The following DNAH5 variants were observed in gnomAD, a reference collection of about 807,000 sequenced individuals.
DNAH5 encodes the protein dynein axonemal heavy chain 5.
Under a neutral mutation model 518.2 loss-of-function variants are expected in DNAH5, and 372 were observed. The observed-to-expected ratio is 0.72, with a 90% CI of 0.66 to 0.78. DNAH5 has a LOEUF of 0.78. Ranked by LOEUF, DNAH5 falls within the 30% of genes least tolerant of loss-of-function variation. The pLI is 0.00. For missense variants in DNAH5, 5,523 were observed against 5,687.0 expected, an observed-to-expected ratio of 0.97 and a Z score of 0.93; for synonymous variants, 2,039 against 2,025.9, an observed-to-expected ratio of 1.01 and a Z score of -0.17.
intron 1 of DNAH5, among the ~76,000 whole-genome samples, chr5:13,999,694 T>C (rs1784215547): frequency 6.6e-6 from 1 of 152,256 alleles, no homozygotes; most frequent in African/African-American, 2.4e-5. Flanking sequence ...TCAGTTCTTT[T>C]GGATAAATAT....
At chr5:13,728,271 C>A (rs780746232) in intron 69 of DNAH5, among the ~76,000 whole-genome samples, 2 of 152,076 alleles carry the variant, frequency 1.3e-5, no homozygotes, top group East Asian at 1.9e-4. Flanking sequence ...CAAAGAGAGG[C>A]AGGAATTACA....
At chr5:14,008,567 T>C (rs1167798732) in intron 1 of DNAH5, among the ~76,000 whole-genome samples, 3 of 151,522 alleles carry the variant, frequency 2.0e-5, no homozygotes, top group Non-Finnish European at 4.4e-5. Context: ...GCTTGAACCC[T>C]TGGAGATGGA....
rs551918223 is a variant in DNAH5, at chr5:13,810,457, T to C, written c.7408-197A>G. On this transcript the variant is annotated intron_variant, in intron 44 of 78. Coordinates refer to ENST00000265104, the MANE Select transcript of DNAH5 (RefSeq NM_001369.3). ...CAAGCTGCCTTTAAACATAATAGGG[T>C]TGGCCGGGCACGGTGGCTCATGCCT... 1.1e-4 allele frequency: 68 copies of C among 638,926 alleles called. No homozygotes were observed. In the African/African-American group the frequency reaches 1.2e-3, roughly 11 times the overall value. The allele number at this position is 638,926 out of a possible 1,614,324, so 39.6% of individuals were successfully genotyped here.
intron 74 of DNAH5, among the ~76,000 whole-genome samples, chr5:13,715,215 A>T (rs1404572853): frequency 6.6e-6 from 1 of 152,210 alleles, no homozygotes; most frequent in African/African-American, 2.4e-5. Context: ...TTTGAAAAAA[A>T]AGAAAATTTA....
chr5:13,928,875 AC>A (rs1262252484), intron 2 of DNAH5, among the ~76,000 whole-genome samples: 1 of 152,322 alleles, frequency 6.6e-6, no homozygotes, highest in South Asian at 2.1e-4. Flanking sequence ...AGAAACTGGA[AC>A]CCTTGAGCAC....
At chr5:13,876,642 T>A in intron 22 of DNAH5, 42 bp downstream of exon 22, 1 of 1,607,152 alleles carries the variant, frequency 6.2e-7, no homozygotes, top group Non-Finnish European at 8.5e-7. Flanking sequence ...CAAGTGCATG[T>A]TGCAAAGCAA....
chr5:13,810,130 G>C lies in DNAH5; in HGVS notation c.7538C>G (p.Thr2513Arg), dbSNP rs979804916. The C allele has an allele frequency of 6.5e-7, 1 of 1,549,858 alleles. No individual in the cohort carries two copies. Among genetic ancestry groups the C allele is most frequent in the African/African-American group, 1.4e-5 (1 of 73,074 alleles). ...RLELWLRSRPTGTLELPPPAG... is the reference protein window; with the variant it reads ...RLELWLRSRPRGTLELPPPAG... ...TGGCGGCGGCAGCTCCAGCGTCCCTGTGGGCCGAGAGCGCAGCCAGAGCTC... is the reference window on the plus strand; with the variant it reads ...TGGCGGCGGCAGCTCCAGCGTCCCTCTGGGCCGAGAGCGCAGCCAGAGCTC... Residue 2513 changes from threonine to arginine, a missense_variant, in exon 45 of 79, where the codon ACA (threonine) becomes AGA (arginine). By Grantham distance (71) the Thr-to-Arg change is moderately conservative. Transcript: ENST00000265104.
Position 13,762,884 on chromosome 5 carries a change from T to A in DNAH5, c.10119A>T (p.Thr3373=). Residue 3373 remains threonine (T), a synonymous_variant, in exon 60 of 79, where the codon ACA becomes ACT. Transcript: ENST00000265104. ...AAAATTCTATCACCTCTTCATTGAT[T>A]GTGTCTTTTGGGAATTGCTATGGAA... is the stretch of plus-strand genomic sequence containing the variant. ...LQNLQQFPKD[T]INEEVIEFLS... 1 of 1,613,870 alleles carries A rather than the reference T, an allele frequency of 6.2e-7. No individual in the cohort carries two copies. The highest frequency in any genetic ancestry group is 2.2e-5 in the East Asian group (1 of 44,874).
Position 13,841,075 on chromosome 5 carries a change from C to A in DNAH5, c.5540G>T (p.Arg1847Ile). The A allele has an allele frequency of 3.7e-6, 6 of 1,614,122 alleles. No homozygotes were observed. Among genetic ancestry groups the A allele is most frequent in the Non-Finnish European group, 5.1e-6 (6 of 1,180,010 alleles). Residue 1847 changes from arginine (R) to isoleucine (I), a missense_variant, in exon 34 of 79, where the codon AGA becomes ATA. Physicochemically the swap from Arg to Ile is moderately conservative, Grantham distance 97. Coordinates refer to ENST00000265104, the MANE Select transcript of DNAH5 (RefSeq NM_001369.3). ...IWTRDSEEAL[R>I]NAKFDKKIMQ... ...GATTTTTTTATCAAACTTGGCATTT[C>A]TAAGGGCTTCTTCTGAATCCCGTGT...
At chr5:13,879,572 T>C (rs1771352730) in intron 21 of DNAH5, among the ~76,000 whole-genome samples, 1 of 151,536 alleles carries the variant, frequency 6.6e-6, no homozygotes, top group Non-Finnish European at 1.5e-5. Context: ...AAGAGAGAAA[T>C]GCAAAAACAA....
intron 70 of DNAH5, among the ~76,000 whole-genome samples, chr5:13,722,719 T>C (rs541889274): frequency 4.1e-4 from 62 of 152,244 alleles, no homozygotes; most frequent in Non-Finnish European, 7.6e-4. Flanking sequence ...CCCTAACTCA[T>C]ACCAGCTAAT....
At chr5:13,928,431 G>A (rs972024440) in intron 2 of DNAH5, among the ~76,000 whole-genome samples, 27 of 152,328 alleles carry the variant, frequency 1.8e-4, no homozygotes, top group Non-Finnish European at 3.2e-4. Flanking sequence ...CATTTGAAAA[G>A]CATTGTCCAT....
Position 13,754,187 on chromosome 5 carries a change from A to G in DNAH5, c.10555+16T>C. On this transcript the variant is annotated intron_variant, in intron 62 of 78. Coordinates refer to ENST00000265104, the MANE Select transcript of DNAH5 (RefSeq NM_001369.3). ...ACAGTCAACACACAATCTCATTAAT[A>G]AAGAAATTTACATACCTACAAGTCT... is the stretch of plus-strand genomic sequence containing the variant. 6.2e-7 allele frequency: 1 copy of G among 1,614,034 alleles called. No individual in the cohort carries two copies. The highest frequency in any genetic ancestry group is 8.5e-7 in the Non-Finnish European group (1 of 1,179,890).
chr5:13,876,444 G>T (rs1236063985), intron 22 of DNAH5, among the ~76,000 whole-genome samples: 3 of 152,140 alleles, frequency 2.0e-5, no homozygotes, highest in African/African-American at 4.8e-5. Flanking sequence ...TGTATTAAAA[G>T]AATATATTAA....
intron 1 of DNAH5, among the ~76,000 whole-genome samples, chr5:13,996,850 C>T (rs1784000822): frequency 6.6e-6 from 1 of 152,226 alleles, no homozygotes; most frequent in South Asian, 2.1e-4. Flanking sequence ...CCCAATCCCA[C>T]AACTTCACTA....
intron 4 of DNAH5, 69 bp downstream of exon 4, chr5:13,923,211 G>C: frequency 1.3e-6 from 2 of 1,579,798 alleles, no homozygotes; most frequent in Non-Finnish European, 1.7e-6. Context: ...GTCTCCACCA[G>C]AGGAATATTT....
intron 6 of DNAH5, among the ~76,000 whole-genome samples, chr5:13,919,923 A>G (rs959814637): frequency 1.3e-5 from 2 of 152,258 alleles, no homozygotes; most frequent in Non-Finnish European, 2.9e-5. Flanking sequence ...CCAATCTGCA[A>G]TCAAAAACTA....
At position 13,822,183 on chromosome 5, in the gene DNAH5, T is replaced by C. The variant is rs576689349; in HGVS notation, c.6687+1080A>G. Among the ~76,000 whole-genome samples the C allele has an allele frequency of 5.3e-5, 8 of 152,174 alleles. No individual in the cohort carries two copies. The South Asian group carries it at 6.2e-4, about 12-fold the overall frequency. Reference sequence around the variant, plus strand: ...CCTCATCAGAAAATTCAGACATTTATATACTAAATTTTTAAAGCAAAATAT... The same window carrying C: ...CCTCATCAGAAAATTCAGACATTTACATACTAAATTTTTAAAGCAAAATAT... On this transcript the variant is annotated intron_variant, in intron 40 of 78. Transcript: ENST00000265104.
At position 13,850,633 on chromosome 5, in the gene DNAH5, A is replaced by G; in HGVS notation, c.5114+19T>C. On this transcript the variant is annotated intron_variant, in intron 31 of 78. Transcript: ENST00000265104. ...TGTCTCAAGGATACCGAGAGCTTTC[A>G]AAGAGCCAGTGAACTTACCCAGTAA... 1 of 1,612,110 alleles carries G rather than the reference A, an allele frequency of 6.2e-7. No homozygotes were observed. Among genetic ancestry groups the G allele is most frequent in the African/African-American group, 1.3e-5 (1 of 75,024 alleles).
Sources: allele counts gnomAD v4.1 joint callset (sites outside exome capture counted in the v4.1 genomes callset), GRCh38; gene constraint gnomAD v4.1.1; transcripts MANE v1.5; gene names NCBI Gene and HGNC (gene_info 2026-07-23, HGNC 2026-07-21).